Variants in SPMAP2L observed in about 807,000 individuals in gnomAD.
SPMAP2L encodes the protein sperm microtubule associated protein 2 like, also known as sperm microtubule associated protein 2-like.
At chr4:56,572,841 C>A in the SPMAP2L span, among the ~76,000 whole-genome samples, 2 of 152,048 alleles carry the variant, frequency 1.3e-5, no homozygotes, top group Non-Finnish European at 2.9e-5. Context: ...CATGGCAAAA[C>A]CCTGTCTATA....
the SPMAP2L span, chr4:56,559,365 C>A: frequency 5.6e-6 from 7 of 1,239,996 alleles, no homozygotes; most frequent in Non-Finnish European, 6.3e-6. Context: ...TTTTTTTTTA[C>A]CATTTTATCT....
the SPMAP2L span, among the ~76,000 whole-genome samples, chr4:56,604,487 G>A: frequency 1.4e-4 from 21 of 151,752 alleles, no homozygotes; most frequent in East Asian, 1.9e-4. Flanking sequence ...GTGAAACCCC[G>A]TCTCTACTAA....
chr4:56,601,558 A>C, the SPMAP2L span, among the ~76,000 whole-genome samples: 2 of 152,180 alleles, frequency 1.3e-5, no homozygotes, highest in Admixed American at 6.5e-5. Flanking sequence ...CAGGAGTTTG[A>C]CATCAGCCTA....
the SPMAP2L span, chr4:56,531,095 C>G: frequency 6.5e-7 from 1 of 1,535,568 alleles, no homozygotes; most frequent in South Asian, 1.2e-5. Flanking sequence ...GAGTTGCTTC[C>G]CAGCGCCGCA....
the SPMAP2L span, among the ~76,000 whole-genome samples, chr4:56,550,083 A>G: frequency 6.6e-6 from 1 of 152,116 alleles, no homozygotes; most frequent in Non-Finnish European, 1.5e-5. Context: ...CATATTTATT[A>G]TTATTGTTTA....
At chr4:56,561,133 G>A in the SPMAP2L span, among the ~76,000 whole-genome samples, 1 of 152,134 alleles carries the variant, frequency 6.6e-6, no homozygotes, top group Admixed American at 6.5e-5. Flanking sequence ...TTATTTACTT[G>A]TAAAAGTTTA....
chr4:56,617,017 G>T, the SPMAP2L span, among the ~76,000 whole-genome samples: 1 of 152,120 alleles, frequency 6.6e-6, no homozygotes, highest in South Asian at 2.1e-4. Context: ...ACCCTGAGGG[G>T]AGCCTGAAAC....
the SPMAP2L span, among the ~76,000 whole-genome samples, chr4:56,612,967 G>A: frequency 1.3e-5 from 2 of 152,138 alleles, no homozygotes; most frequent in Admixed American, 6.5e-5. Flanking sequence ...TTCCATGCTT[G>A]GGGTGCCCAG....
the SPMAP2L span, chr4:56,603,108 GATA>G: frequency 1.5e-6 from 1 of 666,980 alleles, no homozygotes; most frequent in South Asian, 3.1e-5. Context: ...AATAAAATGG[GATA>G]ATATCATAGT....
At chr4:56,616,706 C>T in the SPMAP2L span, among the ~76,000 whole-genome samples, 1 of 152,296 alleles carries the variant, frequency 6.6e-6, no homozygotes. Flanking sequence ...ACACAAGAAG[C>T]ACACGGGGGC....
At chr4:56,588,590 C>T in the SPMAP2L span, among the ~76,000 whole-genome samples, 2 of 152,164 alleles carry the variant, frequency 1.3e-5, no homozygotes, top group African/African-American at 4.8e-5. Flanking sequence ...CACCACCACG[C>T]CAGGCTAATT....
At chr4:56,558,715 A>G in the SPMAP2L span, among the ~76,000 whole-genome samples, 1 of 152,072 alleles carries the variant, frequency 6.6e-6, no homozygotes, top group Non-Finnish European at 1.5e-5. Flanking sequence ...ATCCAAAGAC[A>G]TGTTTTTCAC....
chr4:56,543,141 G>A, the SPMAP2L span, among the ~76,000 whole-genome samples: 1 of 151,434 alleles, frequency 6.6e-6, no homozygotes, highest in East Asian at 2.0e-4. Context: ...TGGAGTGCAG[G>A]GGTGCGATCT....
chr4:56,592,632 C>T, the SPMAP2L span, among the ~76,000 whole-genome samples: 10 of 152,220 alleles, frequency 6.6e-5, no homozygotes, highest in African/African-American at 2.4e-4. Context: ...CCTTGCGGGC[C>T]GGGGCAGGGG....
At chr4:56,535,490 C>A in the SPMAP2L span, among the ~76,000 whole-genome samples, 1 of 152,102 alleles carries the variant, frequency 6.6e-6, no homozygotes, top group Non-Finnish European at 1.5e-5. Flanking sequence ...CAGTGACGTA[C>A]CCCCTGCTTG....
the SPMAP2L span, among the ~76,000 whole-genome samples, chr4:56,600,072 G>A: frequency 2.2e-4 from 31 of 142,612 alleles, no homozygotes; most frequent in African/African-American, 7.9e-4. Flanking sequence ...ATGTAAACCA[G>A]CTAATTTTTG....
At chr4:56,536,089 C>T in the SPMAP2L span, among the ~76,000 whole-genome samples, 1 of 152,212 alleles carries the variant, frequency 6.6e-6, no homozygotes, top group Non-Finnish European at 1.5e-5. Flanking sequence ...GGCTGTAATG[C>T]CTGCTCCCCT....
the SPMAP2L span, among the ~76,000 whole-genome samples, chr4:56,620,456 A>G: frequency 7.7e-3 from 1,146 of 148,904 alleles, 7 homozygotes; most frequent in Non-Finnish European, 0.011. Context: ...GCGCGATCTC[A>G]GCTCACCGCA....
At chr4:56,594,918 A>C in the SPMAP2L span, 15 of 1,611,724 alleles carry the variant, frequency 9.3e-6, no homozygotes, top group Admixed American at 1.5e-4. Context: ...AATCTTCACA[A>C]GACCTTCTGC....
Sources: allele counts gnomAD v4.1 joint callset (sites outside exome capture counted in the v4.1 genomes callset), GRCh38; gene constraint gnomAD v4.1.1; transcripts MANE v1.5; gene names NCBI Gene and HGNC (gene_info 2026-07-23, HGNC 2026-07-21).